Variants in EDIL3 observed in about 807,000 individuals in gnomAD.
EDIL3 encodes the protein EGF-like repeat and discoidin I-like domain-containing protein 3.
A neutral mutation model predicts 67.4 loss-of-function variants in EDIL3; 37 were observed. The observed-to-expected ratio is 0.55, with a 90% CI of 0.42 to 0.72. The LOEUF (loss-of-function observed/expected upper bound fraction) is 0.72, where lower values mean the gene tolerates loss of function less well. Ranked by LOEUF, EDIL3 falls within the 30% of genes least tolerant of loss-of-function variation. EDIL3 has a pLI of 0.00. For synonymous variants in EDIL3, 195 were observed against 196.3 expected (o/e 0.99, Z 0.05); for missense variants, 527 against 586.3 (o/e 0.90, Z 1.04).
At chr5:84,131,688 T>A (rs928973901) in intron 5 of EDIL3, among the ~76,000 whole-genome samples, 6 of 152,204 alleles carry the variant, frequency 3.9e-5, no homozygotes, top group East Asian at 3.9e-4. Flanking sequence ...TTAAAGTACT[T>A]AGGAAAGTGC....
intron 4 of EDIL3, among the ~76,000 whole-genome samples, chr5:84,151,960 C>G (rs1490234350): frequency 1.3e-5 from 2 of 150,810 alleles, no homozygotes; most frequent in Non-Finnish European, 2.9e-5. Flanking sequence ...GTAGCCCACG[C>G]AGGAGAGCAG....
At chr5:83,967,399 G>A (rs970706510) in intron 9 of EDIL3, among the ~76,000 whole-genome samples, 2 of 152,012 alleles carry the variant, frequency 1.3e-5, no homozygotes, top group Non-Finnish European at 2.9e-5. Flanking sequence ...ATGCAATGGA[G>A]ATATAGCTTT....
At chr5:84,260,655 A>C (rs1294370038) in intron 1 of EDIL3, among the ~76,000 whole-genome samples, 1 of 152,178 alleles carries the variant, frequency 6.6e-6, no homozygotes, top group Admixed American at 6.5e-5. Context: ...CTGTTAATGT[A>C]TTTATGTATT....
rs757759194 is a variant in EDIL3 at position 84,106,688 on chromosome 5, C to G, written c.612G>C (p.Ala204=). Residue 204 remains alanine, a synonymous_variant, in exon 6 of 11, where the codon GCG becomes GCC. Coordinates refer to ENST00000296591, the MANE Select transcript of EDIL3 (RefSeq NM_005711.5). ...ARLNKKGLIN[A]WTAAENDRWP... is the part of the protein sequence containing the mutation. ...ATCTGTCATTTTCTGCAGCTGTCCA[C>G]GCATTTATAAGCCCCTTCTTATTAA... The G allele has an allele frequency of 6.2e-7, 1 of 1,611,530 alleles. No individual in the cohort carries two copies. Among genetic ancestry groups the G allele is most frequent in the South Asian group, 1.1e-5 (1 of 90,656 alleles).
intron 4 of EDIL3, among the ~76,000 whole-genome samples, chr5:84,144,839 G>C (rs752649944): frequency 1.3e-5 from 2 of 151,644 alleles, no homozygotes; most frequent in African/African-American, 4.9e-5. Context: ...TCTCTCTCTG[G>C]TTTTAGCAGT....
intron 9 of EDIL3, among the ~76,000 whole-genome samples, chr5:84,052,110 C>A (rs1461700966): frequency 1.3e-5 from 2 of 152,328 alleles, no homozygotes; most frequent in Admixed American, 6.5e-5. Context: ...CAGCGGATCT[C>A]TCGGCAGAAA....
intron 9 of EDIL3, among the ~76,000 whole-genome samples, chr5:84,043,125 G>A (rs1371426285): frequency 1.3e-5 from 2 of 152,134 alleles, no homozygotes; most frequent in African/African-American, 4.8e-5. Context: ...TTTAAGAAAC[G>A]GGACAAAATT....
chr5:84,106,939 C>A, intron 5 of EDIL3, 109 bp from the exon 6 acceptor site: 1 of 1,210,206 alleles, frequency 8.3e-7, no homozygotes, highest in Non-Finnish European at 1.1e-6. Flanking sequence ...TTTGCACCAC[C>A]ATGCTATTTA....
At chr5:84,343,839 A>G (rs1223907812) in intron 1 of EDIL3, among the ~76,000 whole-genome samples, 2 of 152,078 alleles carry the variant, frequency 1.3e-5, no homozygotes, top group Non-Finnish European at 1.5e-5. Context: ...AAGAAGTTGT[A>G]AGGTTGAGCA....
chr5:83,947,477 C>T (rs1744333941), intron 10 of EDIL3, among the ~76,000 whole-genome samples: 2 of 151,354 alleles, frequency 1.3e-5, no homozygotes, highest in South Asian at 2.1e-4. Flanking sequence ...AGCTTTCATC[C>T]AGAGCACTAA....
chr5:84,369,641 A>G (rs1747804814), intron 1 of EDIL3, among the ~76,000 whole-genome samples: 1 of 152,110 alleles, frequency 6.6e-6, no homozygotes, highest in South Asian at 2.1e-4. Context: ...CTGCATTACA[A>G]TATAAAGAGA....
intron 3 of EDIL3, among the ~76,000 whole-genome samples, chr5:84,185,017 A>C (rs540130392): frequency 1.3e-5 from 2 of 152,300 alleles, no homozygotes; most frequent in South Asian, 2.1e-4. Flanking sequence ...AGTCCCTTGC[A>C]TGCATGCTAG....
At chr5:84,348,088 A>G (rs1747270028) in intron 1 of EDIL3, among the ~76,000 whole-genome samples, 1 of 152,242 alleles carries the variant, frequency 6.6e-6, no homozygotes, top group Admixed American at 6.5e-5. Flanking sequence ...AAGGAAACAC[A>G]GTCAGTAAAC....
At position 83,974,758 on chromosome 5, in the gene EDIL3, T is replaced by C. The variant is rs116758947; in HGVS notation, c.1138-11398A>G. Reference sequence around the variant, plus strand: ...AAAATCAACATGTTTTATCTACTCATATTTATATTAATTTATTTATTGTGT... The same window carrying C: ...AAAATCAACATGTTTTATCTACTCACATTTATATTAATTTATTTATTGTGT... On this transcript the variant is annotated intron_variant, in intron 9 of 10. Transcript: ENST00000296591. 7.6e-3 allele frequency among the ~76,000 whole-genome samples: 1,153 copies of C among 152,080 alleles called. 13 individuals carry two copies. The highest frequency in any genetic ancestry group is 0.027 in the African/African-American group (1,109 of 41,534).
intron 1 of EDIL3, among the ~76,000 whole-genome samples, chr5:84,351,054 A>C (rs1747347569): frequency 6.6e-6 from 1 of 152,144 alleles, no homozygotes; most frequent in Admixed American, 6.5e-5. Flanking sequence ...ATGGTCAATC[A>C]CATTGCATTG....
At chr5:84,093,549 G>A (rs373115166) in intron 6 of EDIL3, among the ~76,000 whole-genome samples, 14 of 152,112 alleles carry the variant, frequency 9.2e-5, no homozygotes, top group Middle Eastern at 3.4e-3. Flanking sequence ...GTATTGAAGC[G>A]CAGAGGCAGA....
chr5:84,257,908 T>G (rs918154827), intron 1 of EDIL3, among the ~76,000 whole-genome samples: 1 of 152,106 alleles, frequency 6.6e-6, no homozygotes, highest in Non-Finnish European at 1.5e-5. Flanking sequence ...AGATATAAGA[T>G]TCTTCATAAA....
intron 2 of EDIL3, among the ~76,000 whole-genome samples, chr5:84,252,627 G>A (rs1020977207): frequency 3.3e-5 from 5 of 150,622 alleles, no homozygotes; most frequent in Admixed American, 1.3e-4. Context: ...TATACAACTC[G>A]AAGGCACTGC....
intron 1 of EDIL3, among the ~76,000 whole-genome samples, chr5:84,363,097 A>G (rs1228416197): frequency 2.0e-5 from 3 of 152,178 alleles, no homozygotes; most frequent in Non-Finnish European, 4.4e-5. Context: ...AAGTATTAAT[A>G]ACTTTTGTAT....
Sources: gnomAD v4.1 joint callset for allele counts (sites outside exome capture counted in the v4.1 genomes callset) on GRCh38, gnomAD v4.1.1 for gene constraint, MANE v1.5 for transcripts, NCBI Gene and HGNC (gene_info 2026-07-23, HGNC 2026-07-21) for gene names.